The following SORD variants were observed in gnomAD, a reference collection of about 807,000 sequenced individuals.
SORD encodes sorbitol dehydrogenase.
In SORD, 18 loss-of-function variants were observed where a neutral mutation model predicts 35.6. That is an observed-to-expected ratio of 0.51 (90% CI 0.35 to 0.75). The LOEUF is 0.75. Among genes scored for constraint, SORD ranks in the 30% least tolerant of loss-of-function variants. The pLI, the probability that SORD is intolerant of heterozygous loss-of-function variation, is 0.01. For missense variants in SORD, 250 were observed against 390.2 expected (o/e 0.64, Z 3.03); for synonymous variants, 106 against 152.9 (o/e 0.69, Z 2.26).
chr15:45,059,493 A>G (rs1392761655), intron 3 of SORD, among the ~76,000 whole-genome samples: 1 of 152,200 alleles, frequency 6.6e-6, no homozygotes, highest in Non-Finnish European at 1.5e-5. Context: ...CATGAAAAGG[A>G]ACAAACTGTC....
At chr15:45,060,432 A>G (rs1893283913) in intron 3 of SORD, among the ~76,000 whole-genome samples, 1 of 152,110 alleles carries the variant, frequency 6.6e-6, no homozygotes, top group South Asian at 2.1e-4. Flanking sequence ...GAATAGAAAT[A>G]TAATAGAGCT....
chr15:45,072,264 G>A, intron 7 of SORD, 53 bp from the exon 8 acceptor site: 2 of 456,366 alleles, frequency 4.4e-6, no homozygotes, highest in Admixed American at 4.4e-5. Flanking sequence ...ATTGTAAGTG[G>A]GAAGTCAGTA....
intron 3 of SORD, among the ~76,000 whole-genome samples, chr15:45,051,487 A>G (rs886429701): frequency 3.3e-5 from 5 of 152,242 alleles, no homozygotes; most frequent in Non-Finnish European, 5.9e-5. Flanking sequence ...AGCCTGTTAA[A>G]TATGTTAGCG....
In SORD at chr15:45,023,289, G is replaced by T; in HGVS notation, c.6G>T (p.Ala2=). Residue 2 remains alanine, a synonymous_variant, in exon 1 of 9, where the codon GCG becomes GCT. Transcript: ENST00000267814. M[A]AAAKPNNLSL... ...TCCAGAGCCAAAAGAGCTCCATGGCGGCGGCGGCCAAGCCCAACAACCTTT... is the reference window on the plus strand; with the variant it reads ...TCCAGAGCCAAAAGAGCTCCATGGCTGCGGCGGCCAAGCCCAACAACCTTT... The T allele has an allele frequency of 6.3e-7, 1 of 1,584,530 alleles. No individual in the cohort carries two copies. Among genetic ancestry groups the T allele is most frequent in the South Asian group, 1.2e-5 (1 of 86,196 alleles).
intron 2 of SORD, chr15:45,042,239 C>T (rs537048397): frequency 6.6e-6 from 1 of 152,336 alleles, no homozygotes; most frequent in African/African-American, 2.4e-5. Flanking sequence ...GGCCTGTAAT[C>T]CCAGCACTTT....
chr15:45,047,298 G>T (rs930343176), intron 3 of SORD: 13 of 151,416 alleles, frequency 8.6e-5, no homozygotes, highest in African/African-American at 2.7e-4. Context: ...AAAAGACTTA[G>T]GAAAAATTGT....
intron 1 of SORD, among the ~76,000 whole-genome samples, chr15:45,031,234 T>C (rs987928888): frequency 6.6e-6 from 1 of 152,152 alleles, no homozygotes; most frequent in Non-Finnish European, 1.5e-5. Flanking sequence ...AGGAGGATCG[T>C]TTGAGCCCAG....
chr15:45,069,153 A>G, intron 7 of SORD, 101 bp downstream of exon 7: 5 of 621,792 alleles, frequency 8.0e-6, no homozygotes, highest in Non-Finnish European at 1.2e-5. Flanking sequence ...GTGAGCCCCA[A>G]GCCAAACTTA....
intron 1 of SORD, among the ~76,000 whole-genome samples, chr15:45,036,969 C>T (rs529742474): frequency 2.8e-4 from 43 of 152,292 alleles, no homozygotes; most frequent in South Asian, 4.1e-4. Flanking sequence ...AGGTTTTGAG[C>T]AACCATGCTG....
At chr15:45,025,204 G>A (rs566220098) in intron 1 of SORD, among the ~76,000 whole-genome samples, 8 of 152,158 alleles carry the variant, frequency 5.3e-5, no homozygotes, top group Admixed American at 5.2e-4. Context: ...GTTGTGTGCT[G>A]GAACACTAGC....
At chr15:45,024,029 C>A (rs1416616908) in intron 1 of SORD, among the ~76,000 whole-genome samples, 1 of 152,190 alleles carries the variant, frequency 6.6e-6, no homozygotes, top group Non-Finnish European at 1.5e-5. Context: ...GTTTTTCTTT[C>A]CAATCCCGTG....
At chr15:45,027,901 C>G (rs1467942312) in intron 1 of SORD, among the ~76,000 whole-genome samples, 1 of 152,236 alleles carries the variant, frequency 6.6e-6, no homozygotes, top group Non-Finnish European at 1.5e-5. Flanking sequence ...CTACTGCATT[C>G]CAGGCATGTG....
chr15:45,030,738 T>A (rs1892766385), intron 1 of SORD, among the ~76,000 whole-genome samples: 1 of 152,242 alleles, frequency 6.6e-6, no homozygotes, highest in Non-Finnish European at 1.5e-5. Context: ...AATTAAATAG[T>A]CCTTAACTAT....
At position 45,032,734 on chromosome 15, in the gene SORD, G is replaced by C. The variant is rs1189424794; in HGVS notation, c.67-7674G>C. Among the ~76,000 whole-genome samples the C allele has an allele frequency of 3.3e-5, 5 of 152,232 alleles. No homozygotes were observed. The South Asian group carries it at 6.2e-4, about 19-fold the overall frequency. On this transcript the variant is annotated intron_variant, in intron 1 of 8. Transcript: ENST00000267814. ...AGACCAGCTCACTGGACCTTGGGAG[G>C]AAATTCTACCTCCTACTTTGACCTC...
chr15:45,028,359 A>G (rs74941171), intron 1 of SORD, among the ~76,000 whole-genome samples: 27,743 of 144,040 alleles, frequency 0.19, no homozygotes, highest in African/African-American at 0.44. Flanking sequence ...TTATATAAAC[A>G]TTTCTAAATG....
chr15:45,039,957 G>A (rs1217467784), intron 1 of SORD, among the ~76,000 whole-genome samples: 2 of 152,176 alleles, frequency 1.3e-5, no homozygotes, highest in Non-Finnish European at 2.9e-5. Context: ...TACATGGACT[G>A]TGCTTTTTCC....
chr15:45,027,092 A>G (rs1054794387), intron 1 of SORD, among the ~76,000 whole-genome samples: 1 of 152,264 alleles, frequency 6.6e-6, no homozygotes, highest in Non-Finnish European at 1.5e-5. Context: ...CACTAAGACC[A>G]GTGGTTTTCT....
At chr15:45,061,023 G>C (rs753140351) in intron 3 of SORD, 44 bp from the exon 4 acceptor site, 1 of 1,612,774 alleles carries the variant, frequency 6.2e-7, no homozygotes, top group East Asian at 2.2e-5. Flanking sequence ...GGCAGACTCT[G>C]CTCCCACCCT....
At chr15:45,027,979 G>A (rs1038683121) in intron 1 of SORD, among the ~76,000 whole-genome samples, 6 of 152,198 alleles carry the variant, frequency 3.9e-5, no homozygotes, top group South Asian at 2.1e-4. Flanking sequence ...TTTTCCAGTC[G>A]GCCATGGACT....
Sources: gnomAD v4.1 joint callset for allele counts (sites outside exome capture counted in the v4.1 genomes callset) on GRCh38, gnomAD v4.1.1 for gene constraint, MANE v1.5 for transcripts, NCBI Gene and HGNC (gene_info 2026-07-23, HGNC 2026-07-21) for gene names.